Variants in NKAIN2 observed in about 807,000 individuals in gnomAD.
NKAIN2 encodes the protein sodium/potassium-transporting ATPase subunit beta-1-interacting protein 2.
Under a neutral mutation model 32.6 loss-of-function variants are expected in NKAIN2, and 14 were observed. The observed-to-expected ratio is 0.43, with a 90% CI of 0.28 to 0.67. The LOEUF is 0.67. NKAIN2 is among the 30% of genes least tolerant of loss of function. The pLI is 0.17. For missense variants in NKAIN2, 198 were observed against 258.3 expected (o/e 0.77, Z 1.60); for synonymous variants, 80 against 87.2 (o/e 0.92, Z 0.46).
chr6:124,220,699 A>G (rs964428860), intron 1 of NKAIN2, among the ~76,000 whole-genome samples: 4 of 151,714 alleles, frequency 2.6e-5, no homozygotes, highest in African/African-American at 7.3e-5. Flanking sequence ...AATTATATAT[A>G]AATTATACTA....
At chr6:124,467,772 A>G (rs1776821793) in intron 3 of NKAIN2, among the ~76,000 whole-genome samples, 1 of 152,160 alleles carries the variant, frequency 6.6e-6, no homozygotes, top group Admixed American at 6.6e-5. Context: ...AATGATTATA[A>G]TATTTCATGT....
At chr6:124,392,093 T>C (rs1397008617) in intron 3 of NKAIN2, among the ~76,000 whole-genome samples, 1 of 152,200 alleles carries the variant, frequency 6.6e-6, no homozygotes, top group African/African-American at 2.4e-5. Context: ...TTTCGTTCCT[T>C]TTCTAATATC....
intron 1 of NKAIN2, among the ~76,000 whole-genome samples, chr6:124,106,065 G>A (rs1209315267): frequency 6.6e-6 from 1 of 152,154 alleles, no homozygotes; most frequent in Non-Finnish European, 1.5e-5. Context: ...TACCCACTAT[G>A]TTATGCCCAA....
At chr6:124,636,066 T>G (rs537715499) in intron 3 of NKAIN2, among the ~76,000 whole-genome samples, 1 of 151,994 alleles carries the variant, frequency 6.6e-6, no homozygotes, top group East Asian at 1.9e-4. Flanking sequence ...CAGCAAATTT[T>G]TAAAAATTTA....
intron 1 of NKAIN2, among the ~76,000 whole-genome samples, chr6:123,865,077 T>C (rs1335747544): frequency 1.3e-5 from 2 of 152,114 alleles, no homozygotes; most frequent in Admixed American, 1.3e-4. Context: ...AGGACCCTTT[T>C]AGTAAAAAAA....
rs141262684 is a variant in NKAIN2 at position 124,485,554 on chromosome 6, T to G, written c.273+130207T>G. Among the ~76,000 whole-genome samples the G allele has an allele frequency of 2.2e-3, 338 of 152,252 alleles. 3 individuals carry two copies. The highest frequency in any genetic ancestry group is 3.2e-3 in the Non-Finnish European group (220 of 68,028). On this transcript the variant is annotated intron_variant, in intron 3 of 6. Coordinates refer to ENST00000368417, the MANE Select transcript of NKAIN2 (RefSeq NM_001040214.3). ...AAAATATGTTTTATTATATAAAATA[T>G]AACATGCGTCTCAGCTTAATGTTAT... is the stretch of plus-strand genomic sequence containing the variant.
At chr6:123,882,353 G>A (rs1773492761) in intron 1 of NKAIN2, among the ~76,000 whole-genome samples, 1 of 152,014 alleles carries the variant, frequency 6.6e-6, no homozygotes, top group African/African-American at 2.4e-5. Context: ...TTAATTATGA[G>A]ATCAACTTAT....
At chr6:123,904,637 T>A (rs1328323282) in intron 1 of NKAIN2, among the ~76,000 whole-genome samples, 1 of 152,182 alleles carries the variant, frequency 6.6e-6, no homozygotes, top group Non-Finnish European at 1.5e-5. Flanking sequence ...GTGAGAAAGA[T>A]CCTGTAATTG....
At chr6:123,946,074 A>G (rs920675409) in intron 1 of NKAIN2, among the ~76,000 whole-genome samples, 6 of 152,100 alleles carry the variant, frequency 3.9e-5, no homozygotes, top group Non-Finnish European at 8.8e-5. Context: ...AAAATCTGTA[A>G]CCACCTGTAT....
intron 3 of NKAIN2, among the ~76,000 whole-genome samples, chr6:124,408,595 T>C (rs868176864): frequency 2.7e-4 from 41 of 152,364 alleles, no homozygotes; most frequent in Admixed American, 7.8e-4. Context: ...TTTTGGTTAC[T>C]GTAGCCTTGT....
intron 3 of NKAIN2, among the ~76,000 whole-genome samples, chr6:124,381,023 G>T (rs1772611178): frequency 6.6e-6 from 1 of 152,154 alleles, no homozygotes; most frequent in Non-Finnish European, 1.5e-5. Context: ...CTACGAAATT[G>T]CTCTTCCCTT....
chr6:124,224,601 G>A (rs979692238), intron 1 of NKAIN2, among the ~76,000 whole-genome samples: 3 of 152,068 alleles, frequency 2.0e-5, no homozygotes, highest in Non-Finnish European at 2.9e-5. Context: ...ATTTTAAGCA[G>A]TCTTCTTCTG....
chr6:123,884,350 C>G (rs1773612966), intron 1 of NKAIN2, among the ~76,000 whole-genome samples: 1 of 152,096 alleles, frequency 6.6e-6, no homozygotes, highest in Admixed American at 6.5e-5. Flanking sequence ...TCCAGTCTAT[C>G]TCTTTATAGC....
At chr6:124,731,082 G>T (rs1296928603) in intron 4 of NKAIN2, among the ~76,000 whole-genome samples, 3 of 143,422 alleles carry the variant, frequency 2.1e-5, no homozygotes, top group Non-Finnish European at 4.5e-5. Context: ...AGAGGATGTG[G>T]AGAAATAGGA....
intron 2 of NKAIN2, among the ~76,000 whole-genome samples, chr6:124,331,373 A>AAAAAAC: frequency 6.9e-6 from 1 of 145,740 alleles, no homozygotes; most frequent in South Asian, 2.2e-4. Flanking sequence ...AAAAAAAAAA[A>AAAAAAC]AAAAAACTAG....
Position 123,917,766 on chromosome 6 carries a change from A to T in NKAIN2, c.54+113512A>T, listed in dbSNP as rs577175131. On this transcript the variant is annotated intron_variant, in intron 1 of 6. Transcript: ENST00000368417. ...TAACTGATAAGGCTGAACACATTAC[A>T]GGAAGATTTCATTATATTTTATTAA... is the stretch of plus-strand genomic sequence containing the variant. Among the ~76,000 whole-genome samples the T allele has an allele frequency of 4.7e-4, 72 of 152,286 alleles. 1 individual carries two copies. The highest frequency in any genetic ancestry group is 1.6e-3 in the African/African-American group (66 of 41,580).
intron 2 of NKAIN2, among the ~76,000 whole-genome samples, chr6:124,323,224 A>G (rs1434930261): frequency 6.6e-6 from 1 of 152,176 alleles, no homozygotes; most frequent in Non-Finnish European, 1.5e-5. Flanking sequence ...TCTGAAGCTT[A>G]TCTTTTCATA....
intron 3 of NKAIN2, among the ~76,000 whole-genome samples, chr6:124,581,168 G>C (rs112012790): frequency 6.8e-4 from 104 of 152,196 alleles, no homozygotes; most frequent in Middle Eastern, 3.4e-3. Flanking sequence ...GGCCGGGCGC[G>C]GTGGCTCACG....
chr6:124,113,268 C>G (rs1464442173), intron 1 of NKAIN2, among the ~76,000 whole-genome samples: 1 of 152,100 alleles, frequency 6.6e-6, no homozygotes, highest in Admixed American at 6.5e-5. Flanking sequence ...TAAACTGAAG[C>G]TATGGTGTCT....
Sources: allele counts gnomAD v4.1 joint callset (sites outside exome capture counted in the v4.1 genomes callset), GRCh38; gene constraint gnomAD v4.1.1; transcripts MANE v1.5; gene names NCBI Gene and HGNC (gene_info 2026-07-23, HGNC 2026-07-21).